The following VWC2L variants were observed in gnomAD, a reference collection of about 807,000 sequenced individuals.
VWC2L encodes the protein von Willebrand factor C domain containing 2 like, also known as von Willebrand factor C domain-containing protein 2-like.
Under a neutral mutation model 21.6 loss-of-function variants are expected in VWC2L, and 10 were observed. The observed-to-expected ratio is 0.46, with a 90% CI of 0.29 to 0.78. The LOEUF is 0.78. Ranked by LOEUF, VWC2L falls within the 30% of genes least tolerant of loss-of-function variation. The pLI is 0.10. For synonymous variants in VWC2L, 96 were observed against 94.3 expected, an observed-to-expected ratio of 1.02 and a Z score of -0.10; for missense variants, 209 against 277.1, an observed-to-expected ratio of 0.75 and a Z score of 1.74.
chr2:214,428,927 G>T (rs1011140488), intron 2 of VWC2L, among the ~76,000 whole-genome samples: 7 of 152,006 alleles, frequency 4.6e-5, no homozygotes, highest in Middle Eastern at 3.4e-3. Flanking sequence ...ACCCTAAAAG[G>T]TCTTAAATTC....
chr2:214,441,432 G>T (rs929615669), intron 3 of VWC2L, among the ~76,000 whole-genome samples: 6 of 152,026 alleles, frequency 3.9e-5, no homozygotes, highest in African/African-American at 1.4e-4. Context: ...TCACCAAATG[G>T]ATAAGGAGAT....
At chr2:214,492,570 T>C (rs1200050829) in intron 3 of VWC2L, among the ~76,000 whole-genome samples, 1 of 152,122 alleles carries the variant, frequency 6.6e-6, no homozygotes, top group Non-Finnish European at 1.5e-5. Context: ...AGAGACTATA[T>C]CTAGGATTGG....
intron 3 of VWC2L, among the ~76,000 whole-genome samples, chr2:214,449,630 G>T (rs375775112): frequency 6.6e-6 from 1 of 152,190 alleles, no homozygotes; most frequent in Non-Finnish European, 1.5e-5. Context: ...CCCTTGCAGC[G>T]AGACCTCTGA....
At chr2:214,439,418 G>A (rs1702728435) in intron 3 of VWC2L, among the ~76,000 whole-genome samples, 1 of 151,794 alleles carries the variant, frequency 6.6e-6, no homozygotes, top group Non-Finnish European at 1.5e-5. Context: ...TAGTTGCTAT[G>A]TCATAGATTT....
At chr2:214,559,600 T>A (rs1039343982) in intron 3 of VWC2L, among the ~76,000 whole-genome samples, 3 of 146,732 alleles carry the variant, frequency 2.0e-5, no homozygotes, top group Admixed American at 2.0e-4. Flanking sequence ...TTTAATCCCA[T>A]TCTTTTCTTT....
intron 3 of VWC2L, among the ~76,000 whole-genome samples, chr2:214,562,459 T>C (rs183886662): frequency 6.6e-6 from 1 of 152,352 alleles, no homozygotes; most frequent in African/African-American, 2.4e-5. Flanking sequence ...AACATACGCA[T>C]GCATGTATCT....
chr2:214,497,335 T>G, intron 3 of VWC2L, among the ~76,000 whole-genome samples: 1 of 152,214 alleles, frequency 6.6e-6, no homozygotes, highest in East Asian at 1.9e-4. Flanking sequence ...GTTTCAATTT[T>G]GTTATGCCAG....
At chr2:214,562,430 C>T (rs764662719) in intron 3 of VWC2L, among the ~76,000 whole-genome samples, 19 of 152,104 alleles carry the variant, frequency 1.2e-4, no homozygotes, top group African/African-American at 2.4e-5. Context: ...TCTTTGCTAT[C>T]GTGAATAGTG....
intron 3 of VWC2L, among the ~76,000 whole-genome samples, chr2:214,571,278 A>G (rs1690145526): frequency 6.6e-6 from 1 of 152,148 alleles, no homozygotes; most frequent in South Asian, 2.1e-4. Context: ...GAGAGATATG[A>G]ATTCATATCC....
chr2:214,575,539 A>G (rs1690216268), intron 3 of VWC2L, 133 bp from the exon 4 acceptor site: 11 of 941,654 alleles, frequency 1.2e-5, no homozygotes, highest in Non-Finnish European at 1.4e-5. Context: ...AGATGGCTAG[A>G]AAATTCCTTG....
chr2:214,468,472 A>G (rs192843823), intron 3 of VWC2L, among the ~76,000 whole-genome samples: 94 of 152,368 alleles, frequency 6.2e-4, no homozygotes, highest in Non-Finnish European at 2.9e-5. Flanking sequence ...CAATATGGTT[A>G]TTAACCCTTT....
intron 3 of VWC2L, among the ~76,000 whole-genome samples, chr2:214,524,157 A>G (rs1227853437): frequency 1.3e-5 from 2 of 152,198 alleles, no homozygotes; most frequent in Non-Finnish European, 2.9e-5. Flanking sequence ...TATAATATGT[A>G]CTTTGCTACC....
At chr2:214,563,375 A>G (rs1574638657) in intron 3 of VWC2L, among the ~76,000 whole-genome samples, 1 of 151,602 alleles carries the variant, frequency 6.6e-6, no homozygotes. Context: ...GTGAAACCCC[A>G]TCTCTACTAA....
chr2:214,430,216 C>CTTGTT (rs1702579509), intron 2 of VWC2L, among the ~76,000 whole-genome samples: 1 of 151,412 alleles, frequency 6.6e-6, no homozygotes, highest in African/African-American at 2.4e-5. Flanking sequence ...AATGAGCAAA[C>CTTGTT]TTTACTTGAT....
chr2:214,455,331 T>G lies in VWC2L; in HGVS notation c.520+18573T>G, dbSNP rs189041485. 8.5e-5 allele frequency among the ~76,000 whole-genome samples: 13 copies of G among 152,348 alleles called. No homozygotes were observed. The East Asian group carries it at 2.5e-3, about 29-fold the overall frequency. ...ATACCATTTTATCTAAGCTGCTGGA[T>G]TTATGGTCATAAAGTTGTTAATAAT... On this transcript the variant is annotated intron_variant, in intron 3 of 3. Transcript: ENST00000312504.
intron 3 of VWC2L, among the ~76,000 whole-genome samples, chr2:214,522,571 G>C (rs933822238): frequency 6.6e-6 from 1 of 151,644 alleles, no homozygotes; most frequent in Non-Finnish European, 1.5e-5. Context: ...TGGAGAATGA[G>C]GTATCCATCC....
At chr2:214,554,037 T>C (rs1452064297) in intron 3 of VWC2L, among the ~76,000 whole-genome samples, 2 of 152,058 alleles carry the variant, frequency 1.3e-5, no homozygotes, top group African/African-American at 2.4e-5. Flanking sequence ...CACAAGCCCA[T>C]CTTTGCCCAG....
chr2:214,574,502 T>A (rs1690198924), intron 3 of VWC2L, among the ~76,000 whole-genome samples: 1 of 152,206 alleles, frequency 6.6e-6, no homozygotes, highest in Non-Finnish European at 1.5e-5. Context: ...ATTTATTTGA[T>A]GGTAAAGACA....
At chr2:214,530,126 C>A (rs1689410423) in intron 3 of VWC2L, among the ~76,000 whole-genome samples, 1 of 152,192 alleles carries the variant, frequency 6.6e-6, no homozygotes, top group African/African-American at 2.4e-5. Flanking sequence ...TCTATACTTA[C>A]ATTGCCATTT....
Sources: gnomAD v4.1 joint callset for allele counts (sites outside exome capture counted in the v4.1 genomes callset) on GRCh38, gnomAD v4.1.1 for gene constraint, MANE v1.5 for transcripts, NCBI Gene and HGNC (gene_info 2026-07-23, HGNC 2026-07-21) for gene names.